The following DPF3 variants were observed in gnomAD, a reference collection of about 807,000 sequenced individuals.
DPF3 encodes zinc finger protein DPF3.
Under a neutral mutation model 56.8 loss-of-function variants are expected in DPF3, and 18 were observed. The observed-to-expected ratio is 0.32, with a 90% CI of 0.22 to 0.47. The LOEUF (loss-of-function observed/expected upper bound fraction) is 0.47. Among genes scored for constraint, DPF3 ranks in the 20% least tolerant of loss-of-function variants. The probability of loss-of-function intolerance (pLI) is 1.00; values close to 1 mark genes in which losing one functional copy is unlikely to be tolerated. For missense variants in DPF3, 403 were observed against 488.8 expected, an observed-to-expected ratio of 0.82 and a Z score of 1.65; for synonymous variants, 188 against 180.2, an observed-to-expected ratio of 1.04 and a Z score of -0.35.
At chr14:72,753,771 C>T (rs972360545) in intron 2 of DPF3, among the ~76,000 whole-genome samples, 6 of 152,176 alleles carry the variant, frequency 3.9e-5, no homozygotes, top group African/African-American at 1.2e-4. Flanking sequence ...AACGGAGCAG[C>T]AGTCAGTTGG....
At chr14:72,679,457 C>T (rs2153571347) in intron 7 of DPF3, among the ~76,000 whole-genome samples, 1 of 152,368 alleles carries the variant, frequency 6.6e-6, no homozygotes, top group African/African-American at 2.4e-5. Flanking sequence ...CCACCCAGCC[C>T]CAGCCCCAGC....
intron 8 of DPF3, among the ~76,000 whole-genome samples, chr14:72,663,203 CCAAA>C (rs895874308): frequency 2.0e-5 from 3 of 148,826 alleles, no homozygotes; most frequent in South Asian, 2.2e-4. Flanking sequence ...CACTTAGAAA[CCAAA>C]CAAACTGAAT....
Position 72,838,908 on chromosome 14 carries a change from C to CTTTTTTTTTTTTTTTTTTTTTTTTT in DPF3, c.32+55124_32+55148dup, listed in dbSNP as rs376458640. Among the ~76,000 whole-genome samples the CTTTTTTTTTTTTTTTTTTTTTTTTT allele has an allele frequency of 5.1e-5, 4 of 78,618 alleles. 1 individual carries two copies. Among genetic ancestry groups the CTTTTTTTTTTTTTTTTTTTTTTTTT allele is most frequent in the African/African-American group, 2.1e-4 (3 of 14,392 alleles). 51.6% of individuals were successfully genotyped at this position (78,618 alleles called of 152,430 possible). A position where few individuals can be genotyped will look rare whatever the true frequency, so the allele number is the denominator to read the frequency against. On this transcript the variant is annotated intron_variant, in intron 1 of 10. Coordinates refer to ENST00000556509, the MANE Select transcript of DPF3 (RefSeq NM_001280542.3). ...TATCATATATATTATCATATATATT[C>CTTTTTTTTTTTTTTTTTTTTTTTTT]TTTTTTTTTTTTTTTTTTTTTTTTT...
intron 1 of DPF3, among the ~76,000 whole-genome samples, chr14:72,852,218 C>T (rs912476599): frequency 1.3e-5 from 2 of 152,170 alleles, no homozygotes; most frequent in Admixed American, 6.5e-5. Context: ...GTGCGCCCCT[C>T]AAGGCTTCCC....
intron 1 of DPF3, among the ~76,000 whole-genome samples, chr14:72,793,149 G>A (rs1892509255): frequency 6.6e-6 from 1 of 152,220 alleles, no homozygotes. Flanking sequence ...CAATAGAACT[G>A]CCTTGTTCTG....
intron 8 of DPF3, chr14:72,673,998 G>A (rs1886802904): frequency 2.0e-6 from 1 of 501,296 alleles, no homozygotes; most frequent in Non-Finnish European, 3.4e-6. Context: ...TGCACCTCAT[G>A]GAAAGGCCAG....
chr14:72,813,017 A>C (rs1883127555), intron 1 of DPF3, among the ~76,000 whole-genome samples: 1 of 152,132 alleles, frequency 6.6e-6, no homozygotes, highest in Non-Finnish European at 1.5e-5. Context: ...TCTGGGCATC[A>C]GCCTCTCCAC....
chr14:72,749,884 A>G (rs1251165728), intron 3 of DPF3, among the ~76,000 whole-genome samples: 3 of 151,808 alleles, frequency 2.0e-5, no homozygotes, highest in African/African-American at 7.3e-5. Flanking sequence ...AAAAGTAAGA[A>G]AGAGAGAGAG....
intron 3 of DPF3, among the ~76,000 whole-genome samples, chr14:72,746,078 C>T (rs113471601): frequency 6.4e-4 from 97 of 152,324 alleles, no homozygotes; most frequent in African/African-American, 2.1e-3. Flanking sequence ...GGGCATCATA[C>T]GTTTTGTAAA....
chr14:72,743,762 G>A (rs1330463091), intron 3 of DPF3, among the ~76,000 whole-genome samples: 1 of 152,158 alleles, frequency 6.6e-6, no homozygotes, highest in Non-Finnish European at 1.5e-5. Flanking sequence ...CCTTCACAAG[G>A]ACAGAGCCCT....
chr14:72,751,702 G>A (rs1035495601), intron 3 of DPF3, among the ~76,000 whole-genome samples: 1 of 152,152 alleles, frequency 6.6e-6, no homozygotes, highest in Non-Finnish European at 1.5e-5. Flanking sequence ...CTGAAATGAT[G>A]TTTTTGATAT....
At chr14:72,874,452 C>G (rs1033746344) in intron 1 of DPF3, among the ~76,000 whole-genome samples, 3 of 151,428 alleles carry the variant, frequency 2.0e-5, no homozygotes, top group African/African-American at 7.3e-5. Context: ...GCACTCCAGC[C>G]TAGGCAACAG....
chr14:72,699,157 G>A (rs917763043), intron 6 of DPF3, among the ~76,000 whole-genome samples: 1 of 152,080 alleles, frequency 6.6e-6, no homozygotes, highest in Admixed American at 6.5e-5. Context: ...TGCCTACACA[G>A]GATAGAACTC....
At chr14:72,880,006 A>C in intron 1 of DPF3, 4 of 1,422,468 alleles carry the variant, frequency 2.8e-6, no homozygotes, top group Non-Finnish European at 2.8e-6. Flanking sequence ...TAGCCTGCAC[A>C]CTAGACTGTG....
At chr14:72,645,843 A>G (rs1885708654) in intron 8 of DPF3, among the ~76,000 whole-genome samples, 1 of 150,724 alleles carries the variant, frequency 6.6e-6, no homozygotes, top group Admixed American at 6.6e-5. Context: ...ACTTTTGCAC[A>G]CAAAGGTCTC....
intron 1 of DPF3, among the ~76,000 whole-genome samples, chr14:72,866,086 C>A (rs900909710): frequency 5.3e-5 from 8 of 152,244 alleles, no homozygotes; most frequent in African/African-American, 1.9e-4. Context: ...AATGCCCTGG[C>A]AGCAATGTGG....
intron 1 of DPF3, among the ~76,000 whole-genome samples, chr14:72,824,854 G>C (rs560665553): frequency 4.9e-4 from 75 of 151,816 alleles, no homozygotes; most frequent in Non-Finnish European, 6.9e-4. Flanking sequence ...TTACAGGCGT[G>C]AGCTACCACG....
chr14:72,651,348 C>T (rs1367289782), intron 8 of DPF3, among the ~76,000 whole-genome samples: 3 of 152,218 alleles, frequency 2.0e-5, no homozygotes, highest in African/African-American at 7.2e-5. Context: ...GATGAATGCA[C>T]ATCAGAAGCC....
chr14:72,762,920 G>A (rs1278243275), intron 2 of DPF3, among the ~76,000 whole-genome samples: 1 of 151,800 alleles, frequency 6.6e-6, no homozygotes, highest in Non-Finnish European at 1.5e-5. Context: ...CAAGGTTGCA[G>A]GATATAGGAA....
Sources: allele counts gnomAD v4.1 joint callset (sites outside exome capture counted in the v4.1 genomes callset), GRCh38; gene constraint gnomAD v4.1.1; transcripts MANE v1.5; gene names NCBI Gene and HGNC (gene_info 2026-07-23, HGNC 2026-07-21).